The following KLHL22 variants were observed in gnomAD, a reference collection of about 807,000 sequenced individuals.
The protein encoded by KLHL22 is kelch-like protein 22.
KLHL22 carries 18 observed loss-of-function variants against 60.7 expected under a neutral mutation model. The observed-to-expected ratio is 0.30, with a 90% confidence interval of 0.20 to 0.44. The LOEUF (loss-of-function observed/expected upper bound fraction) is 0.44. Ranked by LOEUF, KLHL22 falls within the 20% of genes least tolerant of loss-of-function variation. The pLI is 1.00. For synonymous variants in KLHL22, 355 were observed against 354.5 expected, an observed-to-expected ratio of 1.00 and a Z score of -0.01; for missense variants, 596 against 852.3, an observed-to-expected ratio of 0.70 and a Z score of 3.74.
intron 3 of KLHL22, among the ~76,000 whole-genome samples, chr22:20,468,676 T>C (rs2053269863): frequency 6.6e-6 from 1 of 151,926 alleles, no homozygotes; most frequent in African/African-American, 2.4e-5. Flanking sequence ...TTTTTTTTTG[T>C]TTGTTTGTTT....
rs775911729 is a variant in KLHL22, at chr22:20,465,023, T to C, written c.947A>G (p.Asp316Gly). 12 of 1,611,576 alleles carry C rather than the reference T, an allele frequency of 7.4e-6. No individual in the cohort carries two copies. The South Asian group carries it at 1.3e-4, about 18-fold the overall frequency. Reference sequence around the variant, plus strand: ...TAAGGGGTTTAGATACTTGGCCTGGTCGCTGAGGACAGTGGACGGCGTGGA... The same window carrying C: ...TAAGGGGTTTAGATACTTGGCCTGGCCGCTGAGGACAGTGGACGGCGTGGA... ...IHSTPSTVLS[D>G]QAKYLNPLLG... The change falls in exon 4 of 7, where the codon GAC (aspartate) becomes GGC (glycine). Residue 316 changes from aspartate (D) to glycine (G), a missense_variant. Asp to Gly is a moderately conservative substitution (Grantham distance 94). Coordinates refer to ENST00000328879, the MANE Select transcript of KLHL22 (RefSeq NM_032775.4). This position sits in a 1 kb window ranked among gnomAD's most constrained non-coding sequence, Gnocchi z 4.9.
At chr22:20,483,302 T>C (rs1405874527) in intron 2 of KLHL22, 1 of 712,230 alleles carries the variant, frequency 1.4e-6, no homozygotes, top group Non-Finnish European at 2.6e-6. Flanking sequence ...GACCAGTACT[T>C]GTCCAGCTCC....
chr22:20,455,760 T>C (rs889233652), intron 5 of KLHL22, among the ~76,000 whole-genome samples: 7 of 152,124 alleles, frequency 4.6e-5, no homozygotes, highest in African/African-American at 1.7e-4. Context: ...GGTGAAGATT[T>C]AAGATGCTAA....
At chr22:20,462,030 G>A (rs533665563) in intron 4 of KLHL22, among the ~76,000 whole-genome samples, 14 of 152,080 alleles carry the variant, frequency 9.2e-5, no homozygotes, top group Admixed American at 6.5e-4. Context: ...CCTCAGAGGC[G>A]GAGGTTGTGG....
In KLHL22 at chr22:20,464,958, G is replaced by T. The variant is rs1296684525; in HGVS notation, c.1012C>A (p.Arg338Ser). ...WKHFTASLAP[R>S]MSNQGIAVLN... ...ACCGCGATGCCCTGGTTGGACATGC[G>T]GGGGGCCAGGGAGGCAGTGAAGTGC... is the stretch of plus-strand genomic sequence containing the variant. The change falls in exon 4 of 7, where the codon CGC (arginine) becomes AGC (serine). Residue 338 changes from arginine to serine, a missense_variant. Physicochemically the swap from Arg to Ser is moderately radical, Grantham distance 110. Coordinates refer to ENST00000328879, the MANE Select transcript of KLHL22 (RefSeq NM_032775.4). 6.2e-7 allele frequency: 1 copy of T among 1,606,996 alleles called. No individual in the cohort carries two copies. The highest frequency in any genetic ancestry group is 8.5e-7 in the Non-Finnish European group (1 of 1,176,516).
At position 20,470,520 on chromosome 22, in the gene KLHL22, T is replaced by G. The variant is rs549298303; in HGVS notation, c.393+830A>C. Among the ~76,000 whole-genome samples, 5 of 152,246 alleles carry G rather than the reference T, an allele frequency of 3.3e-5. No homozygotes were observed. The East Asian group carries it at 9.7e-4, about 29-fold the overall frequency. ...AAAATTAGCCAGGTGTAGTGGCACA[T>G]GCCTATAGGTCCTAGCTATTTGGGA... On this transcript the variant is annotated intron_variant, in intron 3 of 6. Transcript: ENST00000328879.
At chr22:20,457,568 G>T (rs1319360756) in intron 5 of KLHL22, among the ~76,000 whole-genome samples, 1 of 134,040 alleles carries the variant, frequency 7.5e-6, no homozygotes, top group African/African-American at 2.5e-5. Flanking sequence ...ACTCACAAGT[G>T]GGGCACAATT....
At chr22:20,494,080 C>CCA (rs1555915706) in intron 1 of KLHL22, among the ~76,000 whole-genome samples, 6 of 114,990 alleles carry the variant, frequency 5.2e-5, no homozygotes, top group African/African-American at 2.0e-4. Context: ...CTTTGCCCCC[C>CCA]CCCCAAAAAA....
intron 2 of KLHL22, 120 bp downstream of exon 2, chr22:20,488,864 CA>C: frequency 1.1e-6 from 1 of 885,914 alleles, no homozygotes; most frequent in Non-Finnish European, 1.7e-6. Context: ...GTCATAGCCA[CA>C]AGGAGTAGGG....
chr22:20,484,090 G>T (rs187763213), intron 2 of KLHL22: 2 of 958,482 alleles, frequency 2.1e-6, no homozygotes, highest in South Asian at 2.5e-5. Flanking sequence ...AAGGTAGAGC[G>T]AGTGGTGAAG....
At chr22:20,463,916 G>T (rs2053191607) in intron 4 of KLHL22, among the ~76,000 whole-genome samples, 1 of 152,092 alleles carries the variant, frequency 6.6e-6, no homozygotes, top group Non-Finnish European at 1.5e-5. Flanking sequence ...ACCCCACCCT[G>T]ACCCCAGAAA....
chr22:20,483,668 T>C, intron 2 of KLHL22: 1 of 731,090 alleles, frequency 1.4e-6, no homozygotes, highest in Non-Finnish European at 2.5e-6. Flanking sequence ...ATACGGGCGT[T>C]GTCCACAGTA....
chr22:20,488,321 T>G (rs1362375342), intron 2 of KLHL22, among the ~76,000 whole-genome samples: 1 of 152,142 alleles, frequency 6.6e-6, no homozygotes, highest in African/African-American at 2.4e-5. Context: ...ATAAGGGTGG[T>G]GACACCCACC....
chr22:20,478,949 T>C (rs1301047106), intron 2 of KLHL22, among the ~76,000 whole-genome samples: 1 of 151,534 alleles, frequency 6.6e-6, no homozygotes, highest in East Asian at 2.0e-4. Context: ...GCCAACATGG[T>C]GAAACCCCGT....
rs1213725013 is a variant in KLHL22, at chr22:20,465,147, T to A, written c.823A>T (p.Met275Leu). 1 of 1,613,736 alleles carries A rather than the reference T, an allele frequency of 6.2e-7. No homozygotes were observed. Among genetic ancestry groups the A allele is most frequent in the African/African-American group, 1.3e-5 (1 of 74,900 alleles). ...PLRDTVASALMYHRNESLQPS... is the reference protein window; with the variant it reads ...PLRDTVASALLYHRNESLQPS... ...TGTAGGCTCTCGTTCCGGTGGTACATGAGGGCGCTGGCCACTGTGTCCCTC... is the reference window on the plus strand; with the variant it reads ...TGTAGGCTCTCGTTCCGGTGGTACAAGAGGGCGCTGGCCACTGTGTCCCTC... Residue 275 changes from methionine to leucine, a missense_variant, in exon 4 of 7, where the codon ATG (methionine) becomes TTG (leucine). Met to Leu is a conservative substitution (Grantham distance 15). Coordinates refer to ENST00000328879, the MANE Select transcript of KLHL22 (RefSeq NM_032775.4). This position sits in a 1 kb window ranked among gnomAD's most constrained non-coding sequence, Gnocchi z 4.9.
At chr22:20,459,130 C>T (rs1204801993) in intron 4 of KLHL22, among the ~76,000 whole-genome samples, 3 of 152,258 alleles carry the variant, frequency 2.0e-5, no homozygotes, top group Non-Finnish European at 2.9e-5. Flanking sequence ...CCTTGCCCAA[C>T]AGCCCACAGA....
intron 3 of KLHL22, among the ~76,000 whole-genome samples, chr22:20,470,254 C>T (rs886569954): frequency 2.6e-5 from 4 of 151,266 alleles, no homozygotes; most frequent in African/African-American, 9.7e-5. Flanking sequence ...AAGGCTGAGG[C>T]GGGAGGACCA....
chr22:20,453,925 G>C (rs2053021401), intron 5 of KLHL22, among the ~76,000 whole-genome samples: 1 of 151,962 alleles, frequency 6.6e-6, no homozygotes, highest in Admixed American at 6.6e-5. Flanking sequence ...AGTAGAGATG[G>C]GGTTTCACCA....
At chr22:20,450,583 G>T in intron 5 of KLHL22, 1 of 1,610,102 alleles carries the variant, frequency 6.2e-7, no homozygotes, top group South Asian at 1.1e-5. Context: ...AGCAGCTGAG[G>T]TTTTTAGCCA....
Sources: allele counts gnomAD v4.1 joint callset (sites outside exome capture counted in the v4.1 genomes callset), GRCh38; gene constraint gnomAD v4.1.1; non-coding constraint Gnocchi (gnomAD v3.1); transcripts MANE v1.5; gene names NCBI Gene and HGNC (gene_info 2026-07-23, HGNC 2026-07-21).